Variants in PARP15 observed in about 807,000 individuals in gnomAD.
The protein encoded by PARP15 is poly(ADP-ribose) polymerase family member 15.
Under a neutral mutation model 62.1 loss-of-function variants are expected in PARP15, and 50 were observed. The ratio of observed to expected loss-of-function variants is 0.81; its 90% CI spans 0.64 to 1.02. The LOEUF is 1.02. Ranked by LOEUF, PARP15 falls within the 50% of genes least tolerant of loss-of-function variation. The probability of loss-of-function intolerance (pLI) is 0.00; values close to 1 mark genes in which losing one functional copy is unlikely to be tolerated. For synonymous variants in PARP15, 309 were observed against 293.1 expected (o/e 1.05, Z -0.55); for missense variants, 820 against 826.5 (o/e 0.99, Z 0.10).
rs111945019 is a variant in PARP15, at chr3:122,612,368, C to CT, written c.544-659dup. ...CTGTGTTAGGCCCAATATTCTCTCT[C>CT]TTTTTTTTTTTTTTGAACCAATATT... On this transcript the variant is annotated intron_variant, in intron 3 of 11. Coordinates refer to ENST00000464300, the MANE Select transcript of PARP15 (RefSeq NM_001113523.3). Among the ~76,000 whole-genome samples the CT allele has an allele frequency of 6.9e-3, 998 of 143,832 alleles. 7 individuals are homozygous for CT. The highest frequency in any genetic ancestry group is 0.017 in the African/African-American group (676 of 39,508). The allele number at this position is 143,832 out of a possible 152,430, so 94.4% of individuals were successfully genotyped here. A position where few individuals can be genotyped will look rare whatever the true frequency, so the allele number is the denominator to read the frequency against.
chr3:122,581,971 G>T (rs183811860), intron 1 of PARP15, among the ~76,000 whole-genome samples: 282 of 152,240 alleles, frequency 1.9e-3, no homozygotes, highest in Admixed American at 0.016. Flanking sequence ...GATAGTTTTG[G>T]TTATTTGGAG....
chr3:122,580,009 A>ATATG (rs1553725439), intron 1 of PARP15, among the ~76,000 whole-genome samples: 1 of 112,128 alleles, frequency 8.9e-6, no homozygotes, highest in Non-Finnish European at 2.0e-5. Flanking sequence ...GTATATATAT[A>ATATG]TATATATATA....
intron 2 of PARP15, among the ~76,000 whole-genome samples, chr3:122,606,576 C>T (rs1302805497): frequency 6.6e-6 from 1 of 152,178 alleles, no homozygotes; most frequent in African/African-American, 2.4e-5. Context: ...CACCAGTTAA[C>T]AGAAGATACA....
chr3:122,612,931 T>G, intron 3 of PARP15, 110 bp from the exon 4 acceptor site: 2 of 943,864 alleles, frequency 2.1e-6, no homozygotes, highest in East Asian at 5.2e-5. Flanking sequence ...AGGCCCTGAC[T>G]AAGCCAACAA....
rs546780076 is a variant in PARP15, at chr3:122,631,863, T to C, written c.1439-223T>C. ...TGGATCTAAGTTTATCTAAATATTT[T>C]ATCTAGAGCATTAATGAATATATTG... On this transcript the variant is annotated intron_variant, in intron 9 of 11. Coordinates refer to ENST00000464300, the MANE Select transcript of PARP15 (RefSeq NM_001113523.3). Among the ~76,000 whole-genome samples the C allele has an allele frequency of 1.2e-4, 18 of 152,364 alleles. No homozygotes were observed. In the South Asian group the frequency reaches 3.7e-3, roughly 32 times the overall value.
chr3:122,578,767 T>G (rs2080738428), intron 1 of PARP15, among the ~76,000 whole-genome samples: 1 of 152,216 alleles, frequency 6.6e-6, no homozygotes, highest in African/African-American at 2.4e-5. Context: ...TTGGAATTTT[T>G]ATTGGGATTG....
At chr3:122,634,108 G>A (rs1341653019) in intron 10 of PARP15, among the ~76,000 whole-genome samples, 2 of 152,074 alleles carry the variant, frequency 1.3e-5, no homozygotes, top group Non-Finnish European at 2.9e-5. Flanking sequence ...CTCCTCAACA[G>A]CTGCCCAGGT....
chr3:122,602,091 A>G (rs1312447390), intron 1 of PARP15, among the ~76,000 whole-genome samples: 1 of 152,084 alleles, frequency 6.6e-6, no homozygotes, highest in African/African-American at 2.4e-5. Flanking sequence ...GACTTTCCTT[A>G]GTGGTCTTTC....
chr3:122,580,895 G>A (rs921018787), intron 1 of PARP15, among the ~76,000 whole-genome samples: 1 of 152,078 alleles, frequency 6.6e-6, no homozygotes, highest in South Asian at 2.1e-4. Context: ...AAACCATGCT[G>A]GTCCTGGAAG....
At position 122,617,770 on chromosome 3, in the gene PARP15, C is replaced by A. The variant is rs181032598; in HGVS notation, c.1000+606C>A. On this transcript the variant is annotated intron_variant, in intron 6 of 11. Transcript: ENST00000464300. The stretch of plus-strand genomic sequence containing the variant: ...TTGAGGCGGAGTCTCACTCTGTCGC[C>A]CAGGCTGGAATGCAGTGGTGCAATC... 3.3e-5 allele frequency among the ~76,000 whole-genome samples: 5 copies of A among 152,304 alleles called. No individual in the cohort carries two copies. In the East Asian group the frequency reaches 9.6e-4, roughly 29 times the overall value.
rs568837950 is a variant in PARP15 at position 122,637,185 on chromosome 3, G to A, written c.*1085G>A. On this transcript the variant is annotated 3_prime_UTR_variant, in exon 12 of 12. Coordinates refer to ENST00000464300, the MANE Select transcript of PARP15 (RefSeq NM_001113523.3). ...TGAATGCACAGATAGAATATTAGCA[G>A]TGACAATGATGCTAGAGGTCACCTA... 2.0e-5 allele frequency: 3 copies of A among 152,150 alleles called. No individual in the cohort carries two copies. Among genetic ancestry groups the A allele is most frequent in the Non-Finnish European group, 2.9e-5 (2 of 68,064 alleles). 9.4% of individuals were successfully genotyped at this position (152,150 alleles called of 1,614,324 possible). A position where few individuals can be genotyped will look rare whatever the true frequency, so the allele number is the denominator to read the frequency against.
rs1161647648 is a variant in PARP15, at chr3:122,610,540, G to A, written c.353G>A (p.Gly118Glu). The A allele has an allele frequency of 3.5e-5, 54 of 1,551,574 alleles. No homozygotes were observed. Among genetic ancestry groups the A allele is most frequent in the Non-Finnish European group, 4.7e-5 (54 of 1,147,006 alleles). Residue 118 changes from glycine to glutamate, a missense_variant, in exon 3 of 12, where the codon GGA becomes GAA. Gly to Glu is a moderately conservative substitution (Grantham distance 98). Coordinates refer to ENST00000464300, the MANE Select transcript of PARP15 (RefSeq NM_001113523.3). ...GTTCCCATGAATCTTCAGCTTGGAG[G>A]AGGACCACTATCTCGGGCATTTTTG... Reference protein sequence around the residue: ...NSVPMNLQLGGGPLSRAFLQK... With the variant: ...NSVPMNLQLGEGPLSRAFLQK...
At chr3:122,604,962 G>C (rs536387179) in intron 1 of PARP15, among the ~76,000 whole-genome samples, 1 of 152,304 alleles carries the variant, frequency 6.6e-6, no homozygotes, top group African/African-American at 2.4e-5. Flanking sequence ...CTTGAATCCG[G>C]GAGGCAGAGG....
intron 1 of PARP15, among the ~76,000 whole-genome samples, chr3:122,583,327 A>G (rs1174513669): frequency 6.6e-6 from 1 of 150,678 alleles, no homozygotes; most frequent in Non-Finnish European, 1.5e-5. Flanking sequence ...GGGTTTCACT[A>G]TGTTGGTCAG....
chr3:122,604,573 G>A (rs1935025632), intron 1 of PARP15, among the ~76,000 whole-genome samples: 1 of 152,086 alleles, frequency 6.6e-6, no homozygotes, highest in African/African-American at 2.4e-5. Flanking sequence ...CAGAAAGTAG[G>A]GCCGGGTGTG....
At chr3:122,590,832 A>G (rs1203860838) in intron 1 of PARP15, among the ~76,000 whole-genome samples, 2 of 152,210 alleles carry the variant, frequency 1.3e-5, no homozygotes, top group South Asian at 2.1e-4. Flanking sequence ...CTTTCTGAAT[A>G]TGCAACACTT....
intron 1 of PARP15, among the ~76,000 whole-genome samples, chr3:122,588,127 T>A (rs1021513712): frequency 2.6e-5 from 4 of 152,168 alleles, no homozygotes; most frequent in African/African-American, 9.6e-5. Flanking sequence ...TAAAAATATC[T>A]ACATTTTGCT....
Position 122,583,700 on chromosome 3 carries a change from T to C in PARP15, c.186+5847T>C, listed in dbSNP as rs1214451800. On this transcript the variant is annotated intron_variant, in intron 1 of 11. Transcript: ENST00000464300. ...AGAGTGATCTTTAATCTATAATTAA[T>C]TTTTCCACCATGGAGGCAAAACCCT... Among the ~76,000 whole-genome samples, 4 of 152,198 alleles carry C rather than the reference T, an allele frequency of 2.6e-5. No homozygotes were observed. In the East Asian group the frequency reaches 7.7e-4, roughly 29 times the overall value.
chr3:122,620,342 T>C (rs986990710), intron 7 of PARP15, among the ~76,000 whole-genome samples: 5 of 152,246 alleles, frequency 3.3e-5, no homozygotes, highest in Admixed American at 3.3e-4. Flanking sequence ...AATCCTTTTA[T>C]GAATGAGTGT....
Sources: allele counts gnomAD v4.1 joint callset (sites outside exome capture counted in the v4.1 genomes callset), GRCh38; gene constraint gnomAD v4.1.1; transcripts MANE v1.5; gene names NCBI Gene and HGNC (gene_info 2026-07-23, HGNC 2026-07-21).